Variants in ACOT12 observed in about 807,000 individuals in gnomAD.
ACOT12 encodes the protein acetyl-coenzyme A thioesterase.
In ACOT12, 51 loss-of-function variants were observed where a neutral mutation model predicts 67.7. The ratio of observed to expected loss-of-function variants is 0.75; its 90% CI spans 0.60 to 0.95. ACOT12 has a LOEUF of 0.95. Ranked by LOEUF, ACOT12 falls within the 40% of genes least tolerant of loss-of-function variation. The pLI, the probability that ACOT12 is intolerant of heterozygous loss-of-function variation, is 0.00. For missense variants in ACOT12, 734 were observed against 708.1 expected, an observed-to-expected ratio of 1.04 and a Z score of -0.41; for synonymous variants, 251 against 244.6, an observed-to-expected ratio of 1.03 and a Z score of -0.24.
At chr5:81,320,722 T>C in the ACOT12 span, among the ~76,000 whole-genome samples, 1 of 151,868 alleles carries the variant, frequency 6.6e-6, no homozygotes, top group Admixed American at 6.6e-5. Flanking sequence ...CAGCAATGAG[T>C]AGTAAAATCA....
intron 5 of ACOT12, among the ~76,000 whole-genome samples, chr5:81,356,753 G>C (rs758867610): frequency 6.6e-6 from 1 of 151,510 alleles, no homozygotes; most frequent in Non-Finnish European, 1.5e-5. Flanking sequence ...GCCAATCGGT[G>C]ACCCTATTTT....
intron 5 of ACOT12, among the ~76,000 whole-genome samples, chr5:81,354,284 A>G (rs1759641309): frequency 6.6e-6 from 1 of 152,170 alleles, no homozygotes; most frequent in Non-Finnish European, 1.5e-5. Flanking sequence ...ACACACTGAA[A>G]CTCAAGTCAA....
At chr5:81,316,655 C>T in the ACOT12 span, among the ~76,000 whole-genome samples, 16 of 152,278 alleles carry the variant, frequency 1.1e-4, no homozygotes, top group South Asian at 2.1e-4. Context: ...AGTGACTATA[C>T]CATTCGATAA....
intron 5 of ACOT12, among the ~76,000 whole-genome samples, chr5:81,357,646 G>T (rs1394290205): frequency 6.6e-6 from 1 of 152,098 alleles, no homozygotes; most frequent in African/African-American, 2.4e-5. Context: ...TCAGACGAGG[G>T]ATGACTTGGA....
chr5:81,362,115 AG>A (rs1445985349), intron 4 of ACOT12, among the ~76,000 whole-genome samples: 2 of 151,804 alleles, frequency 1.3e-5, no homozygotes, highest in Non-Finnish European at 2.9e-5. Flanking sequence ...TTCAGAACCC[AG>A]TTCTCCAGTC....
chr5:81,393,203 C>T (rs970949600), intron 1 of ACOT12, among the ~76,000 whole-genome samples: 1 of 152,200 alleles, frequency 6.6e-6, no homozygotes, highest in Non-Finnish European at 1.5e-5. Context: ...CAGCAATCCT[C>T]CACTAGCCAG....
the ACOT12 span, among the ~76,000 whole-genome samples, chr5:81,309,874 C>G: frequency 6.6e-6 from 1 of 151,808 alleles, no homozygotes; most frequent in Non-Finnish European, 1.5e-5. Flanking sequence ...TTGGTGGGTC[C>G]CATATAATTG....
chr5:81,331,296 G>T (rs1040141926), intron 13 of ACOT12, among the ~76,000 whole-genome samples: 1 of 152,222 alleles, frequency 6.6e-6, no homozygotes, highest in Admixed American at 6.5e-5. Flanking sequence ...CCAGCACTTT[G>T]GGAGGCTGAG....
In ACOT12 at chr5:81,371,375, C is replaced by T. The variant is rs767811504; in HGVS notation, c.258+375G>A. Among the ~76,000 whole-genome samples the T allele has an allele frequency of 2.6e-5, 4 of 152,206 alleles. No homozygotes were observed. The South Asian group carries it at 8.3e-4, about 32-fold the overall frequency. ...TCAAGCAATCCGCCCACCTCCGTCT[C>T]CTGAGTACCCAGGGCTACAGGCACT... On this transcript the variant is annotated intron_variant, in intron 3 of 14. Coordinates refer to ENST00000307624, the MANE Select transcript of ACOT12 (RefSeq NM_130767.3).
intron 2 of ACOT12, among the ~76,000 whole-genome samples, chr5:81,373,336 C>T (rs1760311914): frequency 6.6e-6 from 1 of 152,210 alleles, no homozygotes; most frequent in South Asian, 2.1e-4. Context: ...CACTCTGGCC[C>T]AGATACTGAG....
At chr5:81,323,880 ATATG>A in the ACOT12 span, among the ~76,000 whole-genome samples, 572 of 141,742 alleles carry the variant, frequency 4.0e-3, 4 homozygotes, top group Non-Finnish European at 7.1e-3. Flanking sequence ...ATATGTGTAT[ATATG>A]TATACATATA....
At chr5:81,354,358 T>C (rs1580555141) in intron 5 of ACOT12, among the ~76,000 whole-genome samples, 2 of 152,330 alleles carry the variant, frequency 1.3e-5, no homozygotes, top group Middle Eastern at 6.8e-3. Context: ...ATTTAGACTA[T>C]CTCCAGTATT....
chr5:81,326,306 T>C (rs1239144508), downstream of ACOT12, among the ~76,000 whole-genome samples: 1 of 151,816 alleles, frequency 6.6e-6, no homozygotes, highest in Non-Finnish European at 1.5e-5. Flanking sequence ...GTATTTTTAG[T>C]ACAGATGGGG....
chr5:81,355,142 G>A (rs1167662310), intron 5 of ACOT12, among the ~76,000 whole-genome samples: 1 of 152,066 alleles, frequency 6.6e-6, no homozygotes, highest in African/African-American at 2.4e-5. Context: ...TTTAACTCTT[G>A]GCTCTAATTC....
chr5:81,354,653 CTT>C (rs1441809445), intron 5 of ACOT12, among the ~76,000 whole-genome samples: 1 of 152,036 alleles, frequency 6.6e-6, no homozygotes, highest in Non-Finnish European at 1.5e-5. Flanking sequence ...CGAATTATCT[CTT>C]TCTTTTATAA....
chr5:81,344,183 T>C lies in ACOT12; in HGVS notation c.957A>G (p.Ala319=), dbSNP rs758001444. 5.6e-6 allele frequency: 9 copies of C among 1,613,802 alleles called. No homozygotes were observed. The highest frequency in any genetic ancestry group is 7.6e-6 in the Non-Finnish European group (9 of 1,179,872). ...ACCTGCCTAGGCGAATTCGCTTGCG[T>C]GCAATAGCTCCCCGATAGCGTCTGA... ...DDFRRYRGAI[A]RKRIRLGRKY... is the part of the protein sequence containing the mutation. Residue 319 remains alanine (A), a synonymous_variant, in exon 9 of 15, where the codon GCA becomes GCG. Transcript: ENST00000307624.
At position 81,350,223 on chromosome 5, in the gene ACOT12, C is replaced by T. The variant is rs115592433; in HGVS notation, c.497-2293G>A. On this transcript the variant is annotated intron_variant, in intron 5 of 14. Coordinates refer to ENST00000307624, the MANE Select transcript of ACOT12 (RefSeq NM_130767.3). ...TTCTAGTTAACTCTTTCAGATCTAT[C>T]TTCCAGTTCCTTGTCTTATCTGCTG... 3.2e-3 allele frequency among the ~76,000 whole-genome samples: 484 copies of T among 152,266 alleles called. 2 individuals carry two copies. Among genetic ancestry groups the T allele is most frequent in the African/African-American group, 0.011 (455 of 41,554 alleles).
At chr5:81,340,354 G>GTTGAT (rs1759154115) in intron 11 of ACOT12, among the ~76,000 whole-genome samples, 1 of 150,200 alleles carries the variant, frequency 6.7e-6, no homozygotes, top group Non-Finnish European at 1.5e-5. Flanking sequence ...ATGATTGTTT[G>GTTGAT]TTGTTTTGTT....
intron 5 of ACOT12, among the ~76,000 whole-genome samples, chr5:81,356,727 C>T (rs755446195): frequency 5.3e-5 from 8 of 151,992 alleles, no homozygotes; most frequent in South Asian, 2.1e-4. Context: ...CCTTCTTCCT[C>T]GCCCTTCTCC....
Sources: gnomAD v4.1 joint callset for allele counts (sites outside exome capture counted in the v4.1 genomes callset) on GRCh38, gnomAD v4.1.1 for gene constraint, MANE v1.5 for transcripts, NCBI Gene and HGNC (gene_info 2026-07-23, HGNC 2026-07-21) for gene names.